The following CCT6B variants were observed in gnomAD, a reference collection of about 807,000 sequenced individuals.
CCT6B encodes the protein chaperonin containing TCP1 subunit 6B.
Under a neutral mutation model 61.5 loss-of-function variants are expected in CCT6B, and 49 were observed. The observed-to-expected ratio is 0.80, with a 90% CI of 0.63 to 1.01. The LOEUF is 1.01. Ranked by LOEUF, CCT6B falls within the 50% of genes least tolerant of loss-of-function variation. The pLI, the probability that CCT6B is intolerant of heterozygous loss-of-function variation, is 0.00. For synonymous variants in CCT6B, 228 were observed against 214.5 expected, an observed-to-expected ratio of 1.06 and a Z score of -0.55; for missense variants, 666 against 634.7, an observed-to-expected ratio of 1.05 and a Z score of -0.53.
chr17:34,961,416 A>T lies in CCT6B; in HGVS notation c.-23T>A. 1.3e-6 allele frequency: 2 copies of T among 1,510,398 alleles called. No homozygotes were observed. The highest frequency in any genetic ancestry group is 1.8e-6 in the Non-Finnish European group (2 of 1,119,106). The allele number at this position is 1,510,398 out of a possible 1,614,324, so 93.6% of individuals were successfully genotyped here. On this transcript the variant is annotated 5_prime_UTR_variant, in exon 1 of 14. Transcript: ENST00000314144. ...CATAGCCTAACCGTTCAGAGGGAGA[A>T]AAAAAAAAAGCCTTAGTCGCGATTC...
Position 34,932,384 on chromosome 17 carries a change from A to C in CCT6B, c.1330T>G (p.Leu444Val), listed in dbSNP as rs1290830213. 1.2e-6 allele frequency: 2 copies of C among 1,610,428 alleles called. No individual in the cohort carries two copies. The highest frequency in any genetic ancestry group is 1.7e-6 in the Non-Finnish European group (2 of 1,178,712). ...RLGVQAFADA[L>V]LIIPKVLAQN... ...AGTTGTACCTTGGGAATAATGAGTA[A>C]GGCATCAGCAAAAGCTTGGACTCCA... The change falls in exon 11 of 14, where the codon TTA becomes GTA. Residue 444 changes from leucine (L) to valine (V), a missense_variant. Coordinates refer to ENST00000314144, the MANE Select transcript of CCT6B (RefSeq NM_006584.4).
At chr17:34,943,133 C>T in intron 5 of CCT6B, 1 of 403,400 alleles carries the variant, frequency 2.5e-6, no homozygotes, top group Non-Finnish European at 4.4e-6. Context: ...CCTCCTGCCT[C>T]AGCCTCCCAA....
intron 10 of CCT6B, among the ~76,000 whole-genome samples, chr17:34,937,279 T>C (rs115194317): frequency 0.02 from 2,997 of 151,414 alleles, 109 homozygotes; most frequent in African/African-American, 0.069. Flanking sequence ...CCAAAATAAC[T>C]TAAAAAAAAA....
At chr17:34,932,623 C>T in intron 10 of CCT6B, 123 bp from the exon 11 acceptor site, 1 of 793,674 alleles carries the variant, frequency 1.3e-6, no homozygotes, top group Non-Finnish European at 2.0e-6. Context: ...ATAAATTGCA[C>T]AGCTTAGTAA....
chr17:34,928,897 A>G, intron 13 of CCT6B, 65 bp downstream of exon 13: 3 of 947,108 alleles, frequency 3.2e-6, no homozygotes, highest in Non-Finnish European at 4.9e-6. Context: ...AATAGAAAAA[A>G]TTTCATCTTA....
chr17:34,932,640 A>T, intron 10 of CCT6B, 140 bp from the exon 11 acceptor site: 3 of 676,112 alleles, frequency 4.4e-6, no homozygotes, highest in Non-Finnish European at 4.8e-6. Context: ...GTAATTACTC[A>T]GTTATCTTAT....
chr17:34,957,677 A>G (rs1330207784), intron 3 of CCT6B, among the ~76,000 whole-genome samples: 1 of 152,230 alleles, frequency 6.6e-6, no homozygotes, highest in East Asian at 1.9e-4. Context: ...CTGAATTAAT[A>G]GAAAATTCCC....
intron 13 of CCT6B, 30 bp downstream of exon 13, chr17:34,928,932 G>T: frequency 8.4e-7 from 1 of 1,194,210 alleles, no homozygotes; most frequent in Non-Finnish European, 1.2e-6. Flanking sequence ...AACTCTACAG[G>T]TCTTTCACTT....
intron 5 of CCT6B, 133 bp downstream of exon 5, chr17:34,951,817 T>C: frequency 2.2e-6 from 1 of 462,228 alleles, no homozygotes; most frequent in Non-Finnish European, 3.8e-6. Context: ...CTCATTCCCA[T>C]TACCTAGAGC....
chr17:34,950,630 A>G (rs755875641), intron 5 of CCT6B, among the ~76,000 whole-genome samples: 2 of 152,218 alleles, frequency 1.3e-5, no homozygotes, highest in Non-Finnish European at 2.9e-5. Context: ...TATAGCCATT[A>G]AGAAAATTGC....
chr17:34,939,463 CT>C (rs1187721454), intron 9 of CCT6B, 133 bp from the exon 10 acceptor site: 1 of 849,492 alleles, frequency 1.2e-6, no homozygotes, highest in African/African-American at 1.7e-5. Context: ...TATATCTGAA[CT>C]CTTAACAAAC....
chr17:34,959,543 T>G (rs759858806), intron 2 of CCT6B, 44 bp downstream of exon 2: 16 of 1,378,010 alleles, frequency 1.2e-5, no homozygotes, highest in Non-Finnish European at 1.7e-5. Context: ...ATGCTTCTAA[T>G]TAAGGCTTAT....
At chr17:34,950,326 C>A (rs1426855127) in intron 5 of CCT6B, among the ~76,000 whole-genome samples, 4 of 151,858 alleles carry the variant, frequency 2.6e-5, no homozygotes, top group African/African-American at 9.7e-5. Context: ...AAAGTCCCCA[C>A]AAAATTCCAA....
At chr17:34,932,340 G>A in intron 11 of CCT6B, 27 bp downstream of exon 11, 1 of 1,583,818 alleles carries the variant, frequency 6.3e-7, no homozygotes, top group Non-Finnish European at 8.6e-7. Context: ...CTAAGCAGTT[G>A]TTATTTGGCC....
chr17:34,937,461 C>T (rs147119952), intron 10 of CCT6B, among the ~76,000 whole-genome samples: 1 of 151,978 alleles, frequency 6.6e-6, no homozygotes, highest in South Asian at 2.1e-4. Flanking sequence ...AAAGGCAATT[C>T]GGTGGTGAAA....
intron 7 of CCT6B, among the ~76,000 whole-genome samples, chr17:34,942,143 G>C (rs2090170634): frequency 6.8e-6 from 1 of 147,656 alleles, no homozygotes; most frequent in South Asian, 2.1e-4. Flanking sequence ...AAATTAATAA[G>C]TTTTACCACT....
chr17:34,958,520 TG>T, intron 3 of CCT6B, 39 bp downstream of exon 3: 2 of 1,307,702 alleles, frequency 1.5e-6, no homozygotes, highest in Non-Finnish European at 2.0e-6. Flanking sequence ...AAAAATAATT[TG>T]CCATTCAAAA....
At chr17:34,945,230 T>A (rs2090210197) in intron 5 of CCT6B, among the ~76,000 whole-genome samples, 1 of 152,236 alleles carries the variant, frequency 6.6e-6, no homozygotes, top group Non-Finnish European at 1.5e-5. Context: ...AACTCATGGC[T>A]TTAAGTCATT....
Position 34,959,320 on chromosome 17 carries a change from C to T in CCT6B, c.201+267G>A, listed in dbSNP as rs1182713721. On this transcript the variant is annotated intron_variant, in intron 2 of 13. Transcript: ENST00000314144. ...TTTTTTTTTTTTTTTTTTGTAGAGA[C>T]GGTTTTCACCATGTTGCCCAGCCTG... 2.2e-5 allele frequency among the ~76,000 whole-genome samples: 3 copies of T among 137,448 alleles called. No homozygotes were observed. The East Asian group carries it at 6.3e-4, about 29-fold the overall frequency. The allele number at this position is 137,448 out of a possible 152,430, so 90.2% of individuals were successfully genotyped here.
Sources: gnomAD v4.1 joint callset for allele counts (sites outside exome capture counted in the v4.1 genomes callset) on GRCh38, gnomAD v4.1.1 for gene constraint, MANE v1.5 for transcripts, NCBI Gene and HGNC (gene_info 2026-07-23, HGNC 2026-07-21) for gene names.